Variants in LAMP5 observed in about 807,000 individuals in gnomAD.
LAMP5 encodes the protein lysosome associated membrane protein 5.
A neutral mutation model predicts 30.2 loss-of-function variants in LAMP5; 36 were observed. That is an observed-to-expected ratio of 1.19 (90% confidence interval 0.91 to 1.57). LAMP5 has a LOEUF of 1.57. Among genes scored for constraint, LAMP5 ranks in the 40% most tolerant of loss-of-function variants. The pLI, the probability that LAMP5 is intolerant of heterozygous loss-of-function variation, is 0.00. For missense variants in LAMP5, 377 were observed against 354.9 expected, an observed-to-expected ratio of 1.06 and a Z score of -0.50; for synonymous variants, 149 against 134.6, an observed-to-expected ratio of 1.11 and a Z score of -0.74.
chr20:9,516,397 G>A, intron 4 of LAMP5, 36 bp downstream of exon 4: 1 of 1,534,610 alleles, frequency 6.5e-7, no homozygotes, highest in Non-Finnish European at 9.0e-7. Flanking sequence ...GAGGGAGCCT[G>A]GGAACTCGCA....
In LAMP5 at chr20:9,514,719, C is replaced by A; in HGVS notation, c.-134C>A. 1.4e-6 allele frequency: 1 copy of A among 692,850 alleles called. No individual in the cohort carries two copies. The allele number at this position is 692,850 out of a possible 1,614,324, so 42.9% of individuals were successfully genotyped here. ...GTCCTAGCTAGGCGCTCACAGAATA[C>A]GCGCTCCCTCCCTCCCCCTTCTCTG... On this transcript the variant is annotated 5_prime_UTR_variant, in exon 1 of 6. Transcript: ENST00000246070.
chr20:9,524,791 G>A (rs903323279), intron 5 of LAMP5, among the ~76,000 whole-genome samples: 5 of 152,102 alleles, frequency 3.3e-5, no homozygotes, highest in South Asian at 2.1e-4. Flanking sequence ...CATGTGAAAC[G>A]TCATACTAAG....
chr20:9,515,645 C>T lies in LAMP5; in HGVS notation c.237+20C>T, dbSNP rs200635745. 4 of 1,611,766 alleles carry T rather than the reference C, an allele frequency of 2.5e-6. No individual in the cohort carries two copies. Among genetic ancestry groups the T allele is most frequent in the East Asian group, 2.2e-5 (1 of 44,852 alleles). ...GTAGATGTAAGGAATCTTTCCCCCCCCTCAGCTTGCTCCTAGGGCTCCAGG... is the reference window on the plus strand; with the variant it reads ...GTAGATGTAAGGAATCTTTCCCCCCTCTCAGCTTGCTCCTAGGGCTCCAGG... On this transcript the variant is annotated intron_variant, in intron 2 of 5. Transcript: ENST00000246070.
intron 5 of LAMP5, among the ~76,000 whole-genome samples, chr20:9,526,845 CAT>C (rs2045115645): frequency 5.9e-5 from 5 of 85,040 alleles, no homozygotes; most frequent in Non-Finnish European, 1.3e-4. Context: ...GATACATATA[CAT>C]ATGTGTGTGT....
intron 5 of LAMP5, among the ~76,000 whole-genome samples, chr20:9,522,983 T>C (rs2045089202): frequency 6.9e-6 from 1 of 145,888 alleles, no homozygotes; most frequent in African/African-American, 2.6e-5. Context: ...TTTTTTTTTT[T>C]TTTTTTTTTT....
At chr20:9,526,823 G>A (rs1471685105) in intron 5 of LAMP5, among the ~76,000 whole-genome samples, 1 of 136,558 alleles carries the variant, frequency 7.3e-6, no homozygotes, top group Non-Finnish European at 1.6e-5. Context: ...TTATATATAT[G>A]TGTATTATAT....
Position 9,518,088 on chromosome 20 carries a change from C to G in LAMP5, c.524C>G (p.Pro175Arg). 6.2e-7 allele frequency: 1 copy of G among 1,614,158 alleles called. No individual in the cohort carries two copies. Among genetic ancestry groups the G allele is most frequent in the Non-Finnish European group, 8.5e-7 (1 of 1,180,024 alleles). The change falls in exon 5 of 6, where the codon CCC (proline) becomes CGC (arginine). Residue 175 changes from proline (P) to arginine (R), a missense_variant. By Grantham distance (103) the Pro-to-Arg change is moderately radical. Coordinates refer to ENST00000246070, the MANE Select transcript of LAMP5 (RefSeq NM_012261.4). ...CACCACCTCTCTGCCTTGGTCACCC[C>G]CGCTGGGAAGTCCTATGAGTGTCAA... ...NSHHLSALVT[P>R]AGKSYECQAQ...
intron 5 of LAMP5, among the ~76,000 whole-genome samples, chr20:9,522,534 G>A (rs777683601): frequency 7.2e-5 from 11 of 152,218 alleles, no homozygotes; most frequent in Non-Finnish European, 1.0e-4. Flanking sequence ...GAACTGTGTT[G>A]AGGACTCCAA....
chr20:9,526,741 T>C (rs6133715), intron 5 of LAMP5, among the ~76,000 whole-genome samples: 1 of 151,124 alleles, frequency 6.6e-6, no homozygotes. Context: ...TCCTAATAAG[T>C]CCTTAACATT....
At chr20:9,526,905 CACACATACAAA>C (rs2045118333) in intron 5 of LAMP5, among the ~76,000 whole-genome samples, 1 of 115,392 alleles carries the variant, frequency 8.7e-6, no homozygotes, top group Admixed American at 8.8e-5. Flanking sequence ...TATATATACA[CACACATACAAA>C]ACAGTTGTAT....
intron 5 of LAMP5, among the ~76,000 whole-genome samples, chr20:9,521,850 G>T (rs906940808): frequency 2.0e-5 from 3 of 152,134 alleles, no homozygotes; most frequent in African/African-American, 7.2e-5. Flanking sequence ...GAATAGGAAG[G>T]CTACCTCTAT....
intron 5 of LAMP5, among the ~76,000 whole-genome samples, chr20:9,528,677 A>T (rs138172754): frequency 6.6e-4 from 100 of 152,346 alleles, no homozygotes; most frequent in African/African-American, 2.3e-3. Context: ...ATGCTTTCGT[A>T]CTTATATTTG....
In LAMP5 at chr20:9,518,097, A is replaced by G; in HGVS notation, c.533A>G (p.Lys178Arg). ...HLSALVTPAG[K>R]SYECQAQQTI... ...TCTGCCTTGGTCACCCCCGCTGGGA[A>G]GTCCTATGAGTGTCAAGCTCAACAA... Residue 178 changes from lysine to arginine, a missense_variant, in exon 5 of 6, where the codon AAG (lysine) becomes AGG (arginine). Physicochemically the swap from Lys to Arg is conservative, Grantham distance 26. Transcript: ENST00000246070. The G allele has an allele frequency of 2.5e-6, 4 of 1,614,172 alleles. No individual in the cohort carries two copies. The highest frequency in any genetic ancestry group is 3.4e-6 in the Non-Finnish European group (4 of 1,180,020).
At chr20:9,525,759 A>G (rs2045107689) in intron 5 of LAMP5, among the ~76,000 whole-genome samples, 1 of 152,070 alleles carries the variant, frequency 6.6e-6, no homozygotes, top group Non-Finnish European at 1.5e-5. Flanking sequence ...CTTCCTCCTG[A>G]AGCTTTGTTA....
At position 9,516,097 on chromosome 20, in the gene LAMP5, A is replaced by T. The variant is rs772027641; in HGVS notation, c.335A>T (p.Asp112Val). The T allele has an allele frequency of 6.4e-7, 1 of 1,550,844 alleles. No homozygotes were observed. Among genetic ancestry groups the T allele is most frequent in the East Asian group, 2.2e-5 (1 of 44,510 alleles). Residue 112 changes from aspartate (D) to valine (V), a missense_variant, in exon 3 of 6, where the codon GAT becomes GTT. Transcript: ENST00000246070. ...TCGGAGCTGCAAGTGTTCTGGGTGGATCGCGCATATGCACTCAAAATGCTC... is the reference window on the plus strand; with the variant it reads ...TCGGAGCTGCAAGTGTTCTGGGTGGTTCGCGCATATGCACTCAAAATGCTC... Reference protein sequence around the residue: ...SQSELQVFWVDRAYALKMLFV... With the variant: ...SQSELQVFWVVRAYALKMLFV...
chr20:9,516,667 G>A (rs938500268), intron 4 of LAMP5, among the ~76,000 whole-genome samples: 1 of 152,032 alleles, frequency 6.6e-6, no homozygotes, highest in African/African-American at 2.4e-5. Flanking sequence ...CTTATGATTT[G>A]GCCTTTGAAG....
chr20:9,525,157 A>G (rs186569924), intron 5 of LAMP5, among the ~76,000 whole-genome samples: 102 of 152,242 alleles, frequency 6.7e-4, no homozygotes, highest in African/African-American at 2.2e-3. Context: ...CTCTTTCTTT[A>G]CCATACTATA....
At chr20:9,529,520 A>G (rs2045135786) in intron 5 of LAMP5, 122 bp from the exon 6 acceptor site, 2 of 1,026,080 alleles carry the variant, frequency 1.9e-6, no homozygotes, top group Non-Finnish European at 2.8e-6. Context: ...ACTATTTCTG[A>G]AAAATAGTCC....
At chr20:9,517,837 G>A (rs2122832095) in intron 4 of LAMP5, among the ~76,000 whole-genome samples, 1 of 152,222 alleles carries the variant, frequency 6.6e-6, no homozygotes, top group South Asian at 2.1e-4. Flanking sequence ...AATTAATATT[G>A]AAAGAGCCCT....
Sources: allele counts gnomAD v4.1 joint callset (sites outside exome capture counted in the v4.1 genomes callset), GRCh38; gene constraint gnomAD v4.1.1; transcripts MANE v1.5; gene names NCBI Gene and HGNC (gene_info 2026-07-23, HGNC 2026-07-21).